CAPN2: variants seen among roughly 807,000 people sequenced by gnomAD.
CAPN2 encodes the protein calpain-2 catalytic subunit.
In CAPN2, 92 loss-of-function variants were observed where a neutral mutation model predicts 102.3. The observed-to-expected ratio is 0.90, with a 90% CI of 0.76 to 1.07. The LOEUF (loss-of-function observed/expected upper bound fraction) is 1.07, where lower values mean the gene tolerates loss of function less well. CAPN2 is among the 50% of genes least tolerant of loss of function. The pLI, the probability that CAPN2 is intolerant of heterozygous loss-of-function variation, is 0.00. For missense variants in CAPN2, 800 were observed against 909.4 expected, an observed-to-expected ratio of 0.88 and a Z score of 1.55; for synonymous variants, 340 against 355.4, an observed-to-expected ratio of 0.96 and a Z score of 0.49.
chr1:223,719,302 C>T (rs1473168512), intron 2 of CAPN2, among the ~76,000 whole-genome samples: 3 of 152,002 alleles, frequency 2.0e-5, no homozygotes, highest in Admixed American at 6.6e-5. Flanking sequence ...TTTGGGAGGC[C>T]GAGGCAGGCA....
chr1:223,745,473 TCC>T (rs758313313), intron 4 of CAPN2, 34 bp downstream of exon 4: 46 of 1,612,962 alleles, frequency 2.9e-5, no homozygotes, highest in Non-Finnish European at 3.6e-5. Flanking sequence ...CCCATGGCCT[TCC>T]CCCAATGCCC....
At chr1:223,744,746 A>C (rs1660710172) in intron 3 of CAPN2, among the ~76,000 whole-genome samples, 1 of 152,082 alleles carries the variant, frequency 6.6e-6, no homozygotes. Flanking sequence ...CTGTAATCCC[A>C]GCTACTTGGG....
At chr1:223,732,635 A>G (rs758595553) in intron 2 of CAPN2, among the ~76,000 whole-genome samples, 6 of 152,126 alleles carry the variant, frequency 3.9e-5, no homozygotes, top group Non-Finnish European at 8.8e-5. Flanking sequence ...CCGACTTCCT[A>G]TCTCATCCTG....
At position 223,750,832 on chromosome 1, in the gene CAPN2, C is replaced by G. The variant is rs558421800; in HGVS notation, c.814-58C>G. ...GCGGAAGGGGGTTGGAGGCCCAAGC[C>G]TTCATAGCCCTGACTTGAACTCAAC... On this transcript the variant is annotated intron_variant, in intron 6 of 20. Coordinates refer to ENST00000295006, the MANE Select transcript of CAPN2 (RefSeq NM_001748.5). 9 of 1,501,322 alleles carry G rather than the reference C, an allele frequency of 6.0e-6. No homozygotes were observed. The East Asian group carries it at 2.2e-4, about 37-fold the overall frequency. The allele number at this position is 1,501,322 out of a possible 1,614,324, so 93.0% of individuals were successfully genotyped here. A position where few individuals can be genotyped will look rare whatever the true frequency, so the allele number is the denominator to read the frequency against.
In CAPN2 at chr1:223,770,607, C is replaced by T. The variant is rs908237090; in HGVS notation, c.1903+82C>T. 19 of 909,064 alleles carry T rather than the reference C, an allele frequency of 2.1e-5. No homozygotes were observed. In the East Asian group the frequency reaches 4.1e-4, roughly 19 times the overall value. 56.3% of individuals were successfully genotyped at this position (909,064 alleles called of 1,614,324 possible). ...AACACTCATCTTATACCATATAACA[C>T]AAGATTTGGTAAAGCTATAAAATAA... On this transcript the variant is annotated intron_variant, in intron 18 of 20. Coordinates refer to ENST00000295006, the MANE Select transcript of CAPN2 (RefSeq NM_001748.5).
intron 2 of CAPN2, among the ~76,000 whole-genome samples, chr1:223,724,611 C>T (rs1660141291): frequency 6.6e-6 from 1 of 152,212 alleles, no homozygotes; most frequent in Non-Finnish European, 1.5e-5. Flanking sequence ...CTCTGGAATC[C>T]AGCCTCTCAG....
At chr1:223,761,450 C>G in intron 12 of CAPN2, 131 bp from the exon 13 acceptor site, 1 of 590,084 alleles carries the variant, frequency 1.7e-6, no homozygotes, top group Admixed American at 2.9e-5. Flanking sequence ...AAGACCTCCC[C>G]CCACCGCAGC....
intron 9 of CAPN2, among the ~76,000 whole-genome samples, chr1:223,753,223 C>T (rs1375463141): frequency 6.6e-6 from 1 of 152,210 alleles, no homozygotes; most frequent in Non-Finnish European, 1.5e-5. Context: ...TCTCCAGGCC[C>T]TAGATTCCCC....
chr1:223,771,942 G>A lies in CAPN2; in HGVS notation c.2020+17G>A. The A allele has an allele frequency of 6.5e-7, 1 of 1,539,160 alleles. No individual in the cohort carries two copies. The highest frequency in any genetic ancestry group is 9.0e-7 in the Non-Finnish European group (1 of 1,111,770). The stretch of plus-strand genomic sequence containing the variant: ...CGCTATTCAGTAAGTGGATATTTGG[G>A]GAATGACTCATTTCAGTTCTCTTGG... On this transcript the variant is annotated intron_variant, in intron 19 of 20. Coordinates refer to ENST00000295006, the MANE Select transcript of CAPN2 (RefSeq NM_001748.5).
In CAPN2 at chr1:223,759,511, C is replaced by G. The variant is rs752830564; in HGVS notation, c.1529+30C>G. 1.1e-5 allele frequency: 18 copies of G among 1,586,244 alleles called. No homozygotes were observed. The Admixed American group carries it at 1.3e-4, about 12-fold the overall frequency. On this transcript the variant is annotated intron_variant, in intron 12 of 20. Coordinates refer to ENST00000295006, the MANE Select transcript of CAPN2 (RefSeq NM_001748.5). This position sits in a 1 kb window ranked among gnomAD's most constrained non-coding sequence, Gnocchi z 4.6. ...GCGGTTTGGTCCCTTCCTCTCCCCA[C>G]CCTTCCCTGTCCCTCCCCACTGGTC...
intron 14 of CAPN2, among the ~76,000 whole-genome samples, chr1:223,763,190 T>C (rs987132119): frequency 6.6e-6 from 1 of 151,276 alleles, no homozygotes; most frequent in Non-Finnish European, 1.5e-5. Context: ...GCCCTCTTTC[T>C]TCCCAACAAC....
rs1660327999 is a variant in CAPN2 at position 223,731,279 on chromosome 1, G to A, written c.308-12821G>A. On this transcript the variant is annotated intron_variant, in intron 2 of 20. Coordinates refer to ENST00000295006, the MANE Select transcript of CAPN2 (RefSeq NM_001748.5). This position sits in a 1 kb window ranked among gnomAD's most constrained non-coding sequence, Gnocchi z 4.2. The stretch of plus-strand genomic sequence containing the variant: ...AAGTTTGGCTTAAATTCCCTTAGGA[G>A]CCAGTTCAGATTCCTAAGCTGGCCC... Among the ~76,000 whole-genome samples the A allele has an allele frequency of 6.6e-6, 1 of 152,162 alleles. No homozygotes were observed. The highest frequency in any genetic ancestry group is 1.5e-5 in the Non-Finnish European group (1 of 68,026).
At chr1:223,721,471 A>T (rs1304355421) in intron 2 of CAPN2, among the ~76,000 whole-genome samples, 1 of 152,238 alleles carries the variant, frequency 6.6e-6, no homozygotes, top group Non-Finnish European at 1.5e-5. Flanking sequence ...CCAGGAAGGC[A>T]TAGGTCACCT....
chr1:223,722,099 G>A (rs1224390023), intron 2 of CAPN2, among the ~76,000 whole-genome samples: 3 of 152,102 alleles, frequency 2.0e-5, no homozygotes, highest in Non-Finnish European at 4.4e-5. Flanking sequence ...ATGCCAAAAC[G>A]AGGAGAGACA....
rs953535300 is a variant in CAPN2 at position 223,725,598 on chromosome 1, G to A, written c.307+7767G>A. 2.0e-5 allele frequency among the ~76,000 whole-genome samples: 3 copies of A among 152,146 alleles called. No homozygotes were observed. Among genetic ancestry groups the A allele is most frequent in the African/African-American group, 7.2e-5 (3 of 41,438 alleles). On this transcript the variant is annotated intron_variant, in intron 2 of 20. Transcript: ENST00000295006. The surrounding 1 kb of genome is among the most constrained non-coding windows in gnomAD (Gnocchi z 4.1). ...ACATTGTGGCACATCTTGAATACCC[G>A]ACTGGGTCCCAGCTTTAGCACTTGA...
chr1:223,708,612 T>C (rs1659662199), upstream of CAPN2, among the ~76,000 whole-genome samples: 1 of 151,230 alleles, frequency 6.6e-6, no homozygotes, highest in Non-Finnish European at 1.5e-5. Context: ...CTACTAAAAA[T>C]ACAAAAAAAT....
rs376319637 is a variant in CAPN2, at chr1:223,762,061, T to C, written c.1567-125T>C. 2.1e-5 allele frequency: 15 copies of C among 699,018 alleles called. No individual in the cohort carries two copies. In the East Asian group the frequency reaches 3.6e-4, roughly 17 times the overall value. 43.3% of individuals were successfully genotyped at this position (699,018 alleles called of 1,614,324 possible). A position where few individuals can be genotyped will look rare whatever the true frequency, so the allele number is the denominator to read the frequency against. ...TACCTGATCTTAACCCAAATCACCG[T>C]AGAATTTGGGCCCCAGGGAGGGGTA... On this transcript the variant is annotated intron_variant, in intron 13 of 20. Transcript: ENST00000295006.
At chr1:223,710,601 G>C (rs10916604), upstream of CAPN2, among the ~76,000 whole-genome samples, 16,643 of 152,062 alleles carry the variant, frequency 0.11, 2,284 homozygotes, top group African/African-American at 0.3. Flanking sequence ...ATCAACCAGA[G>C]TTTAGGTCTG....
At chr1:223,767,638 C>T (rs374035268) in intron 16 of CAPN2, among the ~76,000 whole-genome samples, 145 of 149,588 alleles carry the variant, frequency 9.7e-4, no homozygotes, top group African/African-American at 2.8e-3. Flanking sequence ...TGAATAATGC[C>T]GCAATAAACA....
Sources: allele counts gnomAD v4.1 joint callset (sites outside exome capture counted in the v4.1 genomes callset), GRCh38; gene constraint gnomAD v4.1.1; non-coding constraint Gnocchi (gnomAD v3.1); transcripts MANE v1.5; gene names NCBI Gene and HGNC (gene_info 2026-07-23, HGNC 2026-07-21).